The following TP53BP1 variants were observed in gnomAD, a reference collection of about 807,000 sequenced individuals.
TP53BP1 encodes the protein tumor protein p53 binding protein 1, also known as TP53-binding protein 1.
A neutral mutation model predicts 200.8 loss-of-function variants in TP53BP1; 61 were observed. That is an observed-to-expected ratio of 0.30 (90% CI 0.25 to 0.38). The LOEUF (loss-of-function observed/expected upper bound fraction) is 0.38. Ranked by LOEUF, TP53BP1 falls within the 10% of genes least tolerant of loss-of-function variation. The pLI is 1.00. For synonymous variants in TP53BP1, 822 were observed against 844.3 expected (o/e 0.97, Z 0.46); for missense variants, 2,144 against 2,371.9 (o/e 0.90, Z 2.00).
At chr15:43,475,270 A>C (rs2078863408) in intron 9 of TP53BP1, among the ~76,000 whole-genome samples, 1 of 152,240 alleles carries the variant, frequency 6.6e-6, no homozygotes, top group Admixed American at 6.5e-5. Flanking sequence ...AATGAGAAGA[A>C]TTGCAAGTAA....
intron 14 of TP53BP1, among the ~76,000 whole-genome samples, chr15:43,442,991 A>C (rs1055173367): frequency 6.6e-6 from 1 of 150,846 alleles, no homozygotes; most frequent in East Asian, 1.9e-4. Context: ...ATGTCCGGCT[A>C]ATTTTTATAT....
chr15:43,472,255 A>G (rs188854854), intron 10 of TP53BP1, among the ~76,000 whole-genome samples: 1 of 152,372 alleles, frequency 6.6e-6, no homozygotes, highest in East Asian at 1.9e-4. Context: ...TGAGGATTCA[A>G]TGAGAAAAAC....
chr15:43,506,778 G>T (rs2079239398), intron 1 of TP53BP1, among the ~76,000 whole-genome samples: 1 of 152,164 alleles, frequency 6.6e-6, no homozygotes, highest in South Asian at 2.1e-4. Context: ...CATATCACAG[G>T]TCCCTAATAA....
intron 18 of TP53BP1, among the ~76,000 whole-genome samples, chr15:43,424,575 G>A (rs958842954): frequency 1.3e-5 from 2 of 152,164 alleles, no homozygotes; most frequent in Non-Finnish European, 2.9e-5. Context: ...CTCAATAAAC[G>A]CTAGTCACTA....
At chr15:43,490,827 G>C (rs554988733) in intron 4 of TP53BP1, among the ~76,000 whole-genome samples, 40 of 152,278 alleles carry the variant, frequency 2.6e-4, no homozygotes, top group African/African-American at 8.9e-4. Flanking sequence ...TGGAAGTAAT[G>C]TAATGTCTTC....
At chr15:43,485,945 T>A (rs970739148) in intron 4 of TP53BP1, among the ~76,000 whole-genome samples, 1 of 151,788 alleles carries the variant, frequency 6.6e-6, no homozygotes, top group East Asian at 1.9e-4. Flanking sequence ...AACAGTACTT[T>A]AGTTAAACTT....
At position 43,449,496 on chromosome 15, in the gene TP53BP1, C is replaced by T. The variant is rs45546939; in HGVS notation, c.2717-2011G>A. ...TTCCTTTGCACAGTATTACATAAAA[C>T]TTATGGAAAGTAATTTTAGCACCAT... On this transcript the variant is annotated intron_variant, in intron 12 of 27. Coordinates refer to ENST00000382044, the MANE Select transcript of TP53BP1 (RefSeq NM_001141980.3). Among the ~76,000 whole-genome samples the T allele has an allele frequency of 3.7e-3, 569 of 152,294 alleles. 6 individuals carry two copies. The highest frequency in any genetic ancestry group is 0.013 in the African/African-American group (537 of 41,566).
intron 8 of TP53BP1, among the ~76,000 whole-genome samples, chr15:43,476,990 G>A (rs898586933): frequency 6.6e-6 from 1 of 152,126 alleles, no homozygotes; most frequent in African/African-American, 2.4e-5. Context: ...AAGATTTGAA[G>A]ACATAGTAGC....
chr15:43,404,676 A>G lies in TP53BP1; in HGVS notation c.*2707T>C, dbSNP rs1164123642. ...CTCATTTTATAAGTAAGGCTTAGAG[A>G]TAGAGGTGTGACCATCTTTAATAAT... On this transcript the variant is annotated 3_prime_UTR_variant, in exon 28 of 28. Transcript: ENST00000382044. 7 of 1,022,414 alleles carry G rather than the reference A, an allele frequency of 6.8e-6. No individual in the cohort carries two copies. The highest frequency in any genetic ancestry group is 8.5e-6 in the Non-Finnish European group (6 of 704,452). The allele number at this position is 1,022,414 out of a possible 1,614,324, so 63.3% of individuals were successfully genotyped here. A position where few individuals can be genotyped will look rare whatever the true frequency, so the allele number is the denominator to read the frequency against.
rs690367 is a variant in TP53BP1 at position 43,456,106 on chromosome 15, A to G, written c.2502T>C (p.Asp834=). Residue 834 remains aspartate, a synonymous_variant, in exon 12 of 28, where the codon GAT becomes GAC. Transcript: ENST00000382044. Reference sequence around the variant, plus strand: ...CTAAAGGTAAGGAAGGCTGTGAAGAATCTTGCTCTACAGGTTCTGTTTCTG... The same window carrying G: ...CTAAAGGTAAGGAAGGCTGTGAAGAGTCTTGCTCTACAGGTTCTGTTTCTG... ...GTAETEPVEQ[D]SSQPSLPLVR... 548,813 of 1,613,968 alleles carry G rather than the reference A, an allele frequency of 0.34. 107,475 individuals carry two copies. Among genetic ancestry groups the G allele is most frequent in the African/African-American group, 0.88 (65,845 of 75,020 alleles).
At chr15:43,481,644 G>A (rs545750369) in intron 4 of TP53BP1, among the ~76,000 whole-genome samples, 236 of 145,112 alleles carry the variant, frequency 1.6e-3, no homozygotes, top group Middle Eastern at 0.016. Flanking sequence ...GTGAAACCCC[G>A]TCTCTACTAA....
Position 43,477,701 on chromosome 15 carries a change from GT to G in TP53BP1, c.846del (p.Glu282AspfsTer141), listed in dbSNP as rs1414749761. On this transcript the variant is annotated frameshift_variant, in exon 8 of 28. Transcript: ENST00000382044. LOFTEE classifies it high-confidence loss of function. ...TCCATAAGTTCTTGTGCAGACAACT[GT>G]TCTTTTGCTTCCATAGCAGCAACAG... Reference protein sequence around the residue: ...KASVAAMEAKEQLSAQELMES... With the variant: ...KASVAAMEAKXQLSAQELMES... 6.2e-7 allele frequency: 1 copy of G among 1,613,250 alleles called. No homozygotes were observed. The highest frequency in any genetic ancestry group is 1.7e-5 in the Admixed American group (1 of 59,732).
At chr15:43,423,422 CA>C (rs1248654461) in intron 18 of TP53BP1, among the ~76,000 whole-genome samples, 1 of 151,828 alleles carries the variant, frequency 6.6e-6, no homozygotes, top group African/African-American at 2.4e-5. Flanking sequence ...CTTTGGGAGG[CA>C]GAGGCAGGTG....
At position 43,493,126 on chromosome 15, in the gene TP53BP1, T is replaced by TGTCGCCGCC; in HGVS notation, c.-84_-83insGGCGGCGAC. On this transcript the variant is annotated 5_prime_UTR_variant, in exon 1 of 28. Transcript: ENST00000382044. ...TCCAGATCGATCCCTAGGTCGCCGC[T>TGTCGCCGCC]GTCGCCACCGCCGCCACCGGCCGCG... The TGTCGCCGCC allele has an allele frequency of 6.3e-7, 1 of 1,591,786 alleles. No homozygotes were observed.
intron 1 of TP53BP1, among the ~76,000 whole-genome samples, chr15:43,500,293 T>C (rs977021327): frequency 2.6e-5 from 4 of 152,220 alleles, no homozygotes; most frequent in Non-Finnish European, 5.9e-5. Context: ...AACAAAAAGC[T>C]TGAAGATACT....
chr15:43,426,208 C>T (rs975914693), intron 18 of TP53BP1, among the ~76,000 whole-genome samples: 1 of 151,932 alleles, frequency 6.6e-6, no homozygotes, highest in Non-Finnish European at 1.5e-5. Flanking sequence ...CTTTGGGAGG[C>T]CAAGGCAGAT....
At chr15:43,437,874 A>G (rs999898141) in intron 16 of TP53BP1, among the ~76,000 whole-genome samples, 1 of 152,218 alleles carries the variant, frequency 6.6e-6, no homozygotes, top group Non-Finnish European at 1.5e-5. Context: ...TGATAAAGAA[A>G]AAGATTTACA....
At position 43,447,505 on chromosome 15, in the gene TP53BP1, GAAAA is replaced by G. The variant is rs2046071089; in HGVS notation, c.2717-24_2717-21del. The G allele has an allele frequency of 1.8e-6, 2 of 1,116,984 alleles. No individual in the cohort carries two copies. Among genetic ancestry groups the G allele is most frequent in the African/African-American group, 1.8e-5 (1 of 54,792 alleles). The allele number at this position is 1,116,984 out of a possible 1,614,324, so 69.2% of individuals were successfully genotyped here. The stretch of plus-strand genomic sequence containing the variant: ...GGGTTTCTGAAAAAAAAAAAAAAAA[GAAAA>G]AAGAAAGAAAGAAAAAATGATTTAA... On this transcript the variant is annotated intron_variant, in intron 12 of 27. Coordinates refer to ENST00000382044, the MANE Select transcript of TP53BP1 (RefSeq NM_001141980.3).
intron 1 of TP53BP1, among the ~76,000 whole-genome samples, chr15:43,505,841 T>C (rs17782975): frequency 0.056 from 8,472 of 152,342 alleles, 346 homozygotes; most frequent in Middle Eastern, 0.092. Context: ...GTATGCATTA[T>C]GATCATAGTA....
Sources: allele counts gnomAD v4.1 joint callset (sites outside exome capture counted in the v4.1 genomes callset), GRCh38; gene constraint gnomAD v4.1.1; transcripts MANE v1.5; gene names NCBI Gene and HGNC (gene_info 2026-07-23, HGNC 2026-07-21).